The following MICAL2 variants were observed in gnomAD, a reference collection of about 807,000 sequenced individuals.
The protein encoded by MICAL2 is [F-actin]-monooxygenase MICAL2.
In MICAL2, 77 loss-of-function variants were observed where a neutral mutation model predicts 127.3. The observed-to-expected ratio is 0.60, with a 90% CI of 0.50 to 0.73. The LOEUF (loss-of-function observed/expected upper bound fraction) is 0.73. MICAL2 is among the 30% of genes least tolerant of loss of function. The probability of loss-of-function intolerance (pLI) is 0.00; values close to 1 mark genes in which losing one functional copy is unlikely to be tolerated. For synonymous variants in MICAL2, 570 were observed against 551.1 expected, an observed-to-expected ratio of 1.03 and a Z score of -0.48; for missense variants, 1,351 against 1,434.4, an observed-to-expected ratio of 0.94 and a Z score of 0.94.
chr11:12,314,264 T>G (rs1439918058), intron 29 of MICAL2, among the ~76,000 whole-genome samples: 1 of 152,054 alleles, frequency 6.6e-6, no homozygotes, highest in Non-Finnish European at 1.5e-5. Flanking sequence ...TTTTCTTGCT[T>G]TATTTTTAAT....
chr11:12,215,884 A>G (rs1040177416), intron 7 of MICAL2, among the ~76,000 whole-genome samples: 2 of 152,224 alleles, frequency 1.3e-5, no homozygotes, highest in African/African-American at 4.8e-5. Context: ...TTCAAATCCC[A>G]GCCCTGTCAT....
chr11:12,219,126 C>T (rs1335664036), intron 8 of MICAL2, among the ~76,000 whole-genome samples: 3 of 152,170 alleles, frequency 2.0e-5, no homozygotes, highest in Non-Finnish European at 4.4e-5. Context: ...GACTTTGACC[C>T]GTTGCTCTCA....
At chr11:12,282,237 A>G (rs1361407596) in intron 2 of MICAL2, among the ~76,000 whole-genome samples, 3 of 152,172 alleles carry the variant, frequency 2.0e-5, no homozygotes, top group Non-Finnish European at 4.4e-5. Context: ...TCATCCAAAC[A>G]CATTTGTTAA....
At chr11:12,289,760 G>A (rs1263565317), downstream of MICAL2, among the ~76,000 whole-genome samples, 1 of 151,974 alleles carries the variant, frequency 6.6e-6, no homozygotes, top group African/African-American at 2.4e-5. Flanking sequence ...GTAAAAACAA[G>A]GTTTCGCCAT....
chr11:12,332,934 T>C (rs1224562445), intron 32 of MICAL2, among the ~76,000 whole-genome samples: 6 of 152,190 alleles, frequency 3.9e-5, no homozygotes, highest in African/African-American at 1.4e-4. Flanking sequence ...GGGACACTCC[T>C]AGTCTATGGA....
At position 12,261,547 on chromosome 11, in the gene MICAL2, T is replaced by A. The variant is rs539754087; in HGVS notation, c.3335-933T>A. 64 of 985,448 alleles carry A rather than the reference T, an allele frequency of 6.5e-5. No individual in the cohort carries two copies. The South Asian group carries it at 2.6e-3, about 40-fold the overall frequency. The allele number at this position is 985,448 out of a possible 1,614,324, so 61.0% of individuals were successfully genotyped here. On this transcript the variant is annotated intron_variant, in intron 26 of 27. Transcript: ENST00000683283. ...GAGAAAGGCCATCTACGGTGCGCAG[T>A]GTATCTGGAGTTGCTGGGCCCAAGA...
chr11:12,146,805 C>T (rs1852957613), intron 2 of MICAL2, among the ~76,000 whole-genome samples: 1 of 152,158 alleles, frequency 6.6e-6, no homozygotes. Flanking sequence ...AGACTTGGAA[C>T]CAACCCAAAT....
intron 1 of MICAL2, among the ~76,000 whole-genome samples, chr11:12,132,308 A>T (rs2133561329): frequency 6.6e-6 from 1 of 152,262 alleles, no homozygotes; most frequent in Non-Finnish European, 1.5e-5. Context: ...ACTCTCTTTC[A>T]GATTTCTATC....
At chr11:12,279,687 TCTG>T (rs1863752549) in intron 1 of MICAL2, among the ~76,000 whole-genome samples, 1 of 152,240 alleles carries the variant, frequency 6.6e-6, no homozygotes, top group Non-Finnish European at 1.5e-5. Flanking sequence ...TGCCTCTCTC[TCTG>T]CTGCTTTTAC....
chr11:12,144,755 C>T (rs1210539844), intron 2 of MICAL2, among the ~76,000 whole-genome samples: 2 of 152,202 alleles, frequency 1.3e-5, no homozygotes, highest in Non-Finnish European at 2.9e-5. Flanking sequence ...AGTTCAGCTA[C>T]AACCTGTCAG....
At chr11:12,146,416 CT>C (rs1037553973) in intron 2 of MICAL2, among the ~76,000 whole-genome samples, 191 of 152,348 alleles carry the variant, frequency 1.3e-3, no homozygotes, top group African/African-American at 4.3e-3. Context: ...TGAACAGACA[CT>C]TCTCAAAAGA....
chr11:12,244,217 TA>T, intron 21 of MICAL2, 105 bp downstream of exon 21: 2 of 1,470,518 alleles, frequency 1.4e-6, no homozygotes, highest in African/African-American at 1.4e-5. Context: ...TTGGCTGGAA[TA>T]AAAATTTGTA....
intron 29 of MICAL2, among the ~76,000 whole-genome samples, chr11:12,311,790 T>C (rs1864177360): frequency 6.6e-6 from 1 of 152,218 alleles, no homozygotes; most frequent in African/African-American, 2.4e-5. Flanking sequence ...CTTTTTCTGT[T>C]CTCTGGAAGA....
chr11:12,307,162 T>C (rs1370534280), intron 29 of MICAL2, among the ~76,000 whole-genome samples: 1 of 152,214 alleles, frequency 6.6e-6, no homozygotes, highest in Non-Finnish European at 1.5e-5. Flanking sequence ...TAGTATCTCA[T>C]TGCAATTTTA....
chr11:12,151,857 A>T (rs1362646569), intron 2 of MICAL2, among the ~76,000 whole-genome samples: 3 of 152,192 alleles, frequency 2.0e-5, no homozygotes, highest in East Asian at 1.9e-4. Context: ...GAGCTAGCTC[A>T]TCTCCACAAC....
chr11:12,331,307 G>A (rs1449466343), intron 32 of MICAL2, among the ~76,000 whole-genome samples: 2 of 152,222 alleles, frequency 1.3e-5, no homozygotes, highest in African/African-American at 4.8e-5. Flanking sequence ...TCTCCCCAGG[G>A]GAGGTCGATG....
At chr11:12,348,461 A>G (rs1477993745) in intron 32 of MICAL2, among the ~76,000 whole-genome samples, 1 of 152,210 alleles carries the variant, frequency 6.6e-6, no homozygotes, top group Non-Finnish European at 1.5e-5. Context: ...ATGGATTTTG[A>G]TATCCAAGAG....
At chr11:12,340,153 AT>A (rs1049628310) in intron 32 of MICAL2, among the ~76,000 whole-genome samples, 9 of 152,360 alleles carry the variant, frequency 5.9e-5, no homozygotes, top group African/African-American at 1.9e-4. Flanking sequence ...TGCAAAAAAA[AT>A]AACCAAAAAA....
chr11:12,325,255 G>A (rs181148217), intron 31 of MICAL2, among the ~76,000 whole-genome samples: 164 of 152,110 alleles, frequency 1.1e-3, no homozygotes, highest in African/African-American at 3.8e-3. Flanking sequence ...GATTACAGAA[G>A]CCCACCACCA....
Sources: allele counts gnomAD v4.1 joint callset (sites outside exome capture counted in the v4.1 genomes callset), GRCh38; gene constraint gnomAD v4.1.1; transcripts MANE v1.5; gene names NCBI Gene and HGNC (gene_info 2026-07-23, HGNC 2026-07-21).